ZNF486: variants seen among roughly 807,000 people sequenced by gnomAD.
ZNF486 encodes zinc finger protein 486.
In ZNF486, 12 loss-of-function variants were observed where a neutral mutation model predicts 12.8. The observed-to-expected ratio is 0.94, with a 90% CI of 0.60 to 1.52. The LOEUF is 1.52. ZNF486 is among the 40% of genes most tolerant of loss of function. The probability of loss-of-function intolerance (pLI) is 0.00; values close to 1 mark genes in which losing one functional copy is unlikely to be tolerated. For synonymous variants in ZNF486, 231 were observed against 184.9 expected, an observed-to-expected ratio of 1.25 and a Z score of -2.02; for missense variants, 738 against 545.0, an observed-to-expected ratio of 1.35 and a Z score of -3.53.
intron 1 of ZNF486, among the ~76,000 whole-genome samples, chr19:20,169,404 C>T (rs1422322430): frequency 6.6e-6 from 1 of 152,158 alleles, no homozygotes; most frequent in African/African-American, 2.4e-5. Flanking sequence ...CCACCGCGCC[C>T]GGCCAACAGG....
intron 1 of ZNF486, 79 bp downstream of exon 1, chr19:20,167,439 C>T (rs1280309807): frequency 1.4e-5 from 21 of 1,514,134 alleles, no homozygotes; most frequent in South Asian, 1.1e-4. Flanking sequence ...CTCAGGCCTC[C>T]CCGTAGTCAG....
intron 3 of ZNF486, among the ~76,000 whole-genome samples, chr19:20,191,383 C>T (rs375811372): frequency 6.7e-6 from 1 of 149,376 alleles, no homozygotes; most frequent in Non-Finnish European, 1.5e-5. Flanking sequence ...AGGAGAGTGG[C>T]GTGAATCTGG....
At chr19:20,183,650 C>G (rs2089810757) in intron 1 of ZNF486, among the ~76,000 whole-genome samples, 1 of 152,050 alleles carries the variant, frequency 6.6e-6, no homozygotes, top group Middle Eastern at 3.4e-3. Context: ...GGTGAAATAG[C>G]TCTCTGACAG....
chr19:20,169,115 T>C (rs1467110019), intron 1 of ZNF486, among the ~76,000 whole-genome samples: 1 of 151,898 alleles, frequency 6.6e-6, no homozygotes, highest in Non-Finnish European at 1.5e-5. Context: ...GTGGGGTTAC[T>C]ACATTTTTTT....
At chr19:20,191,596 C>T (rs1484284232) in intron 3 of ZNF486, among the ~76,000 whole-genome samples, 1 of 148,834 alleles carries the variant, frequency 6.7e-6, no homozygotes, top group Non-Finnish European at 1.5e-5. Flanking sequence ...GGTGAAACCC[C>T]GTCTCTATTA....
At chr19:20,168,375 C>T (rs1266063595) in intron 1 of ZNF486, among the ~76,000 whole-genome samples, 1 of 146,600 alleles carries the variant, frequency 6.8e-6, no homozygotes, top group Non-Finnish European at 1.5e-5. Flanking sequence ...AAAAGAAGGG[C>T]CAGGCGCAGT....
intron 1 of ZNF486, among the ~76,000 whole-genome samples, chr19:20,183,061 T>A (rs560202850): frequency 6.6e-6 from 1 of 152,328 alleles, no homozygotes; most frequent in African/African-American, 2.4e-5. Context: ...AAAATTCTTA[T>A]GATAGTCAAG....
intron 3 of ZNF486, among the ~76,000 whole-genome samples, chr19:20,190,790 G>A (rs2089894453): frequency 6.6e-6 from 1 of 152,212 alleles, no homozygotes; most frequent in Non-Finnish European, 1.5e-5. Context: ...AGTTTTGCTT[G>A]TGTCTGTGAA....
chr19:20,179,675 C>T (rs1555715268), intron 1 of ZNF486, among the ~76,000 whole-genome samples: 3 of 152,024 alleles, frequency 2.0e-5, no homozygotes. Flanking sequence ...AGAGAATGTA[C>T]AGAAAATTAA....
At position 20,199,295 on chromosome 19, in the gene ZNF486, T is replaced by A. The variant is rs960842984; in HGVS notation, c.*1193T>A. ...CAAATATAAAGAGGTTTGTAGTACC[T>A]TTGCTTGTATTACAGATCTTATTGC... On this transcript the variant is annotated 3_prime_UTR_variant, in exon 4 of 4. Coordinates refer to ENST00000335117, the MANE Select transcript of ZNF486 (RefSeq NM_052852.4). 16 of 152,192 alleles carry A rather than the reference T, an allele frequency of 1.1e-4. No individual in the cohort carries two copies. Among genetic ancestry groups the A allele is most frequent in the Non-Finnish European group, 1.6e-4 (11 of 68,034 alleles). 9.4% of individuals were successfully genotyped at this position (152,192 alleles called of 1,614,324 possible).
At chr19:20,173,844 AC>A (rs2089676981) in intron 1 of ZNF486, among the ~76,000 whole-genome samples, 1 of 151,812 alleles carries the variant, frequency 6.6e-6, no homozygotes, top group African/African-American at 2.4e-5. Flanking sequence ...AAAAAAAAAA[AC>A]TTCCAAAAAA....
chr19:20,185,929 C>G (rs836897), intron 2 of ZNF486, 58 bp from the exon 3 acceptor site: 192,704 of 1,119,116 alleles, frequency 0.17, 20,262 homozygotes, highest in East Asian at 0.49. Flanking sequence ...GAGCACATTA[C>G]TAGCTTGTAA....
intron 3 of ZNF486, among the ~76,000 whole-genome samples, chr19:20,187,194 G>A (rs999995197): frequency 6.6e-6 from 1 of 151,522 alleles, no homozygotes; most frequent in Non-Finnish European, 1.5e-5. Flanking sequence ...TTATCAGTTT[G>A]TTTTAAGTGT....
rs2089978192 is a variant in ZNF486, at chr19:20,197,969, A to G, written c.1259A>G (p.Asn420Ser). The change falls in exon 4 of 4, where the codon AAT (asparagine) becomes AGT (serine). Residue 420 changes from asparagine to serine, a missense_variant. Transcript: ENST00000335117. ...ECGKAYTTSS[N>S]LTEHKTTHTG... ...GGCAAAGCGTATACTACATCCTCAA[A>G]TCTAACTGAACATAAGACAACTCAT... The G allele has an allele frequency of 6.2e-7, 1 of 1,613,660 alleles. No homozygotes were observed. Among genetic ancestry groups the G allele is most frequent in the Non-Finnish European group, 8.5e-7 (1 of 1,179,748 alleles).
chr19:20,180,262 C>T (rs2089769887), intron 1 of ZNF486, among the ~76,000 whole-genome samples: 1 of 152,100 alleles, frequency 6.6e-6, no homozygotes, highest in African/African-American at 2.4e-5. Context: ...TTTTTTGGTA[C>T]CCAGATCAGA....
intron 1 of ZNF486, among the ~76,000 whole-genome samples, chr19:20,173,192 T>C (rs1555714175): frequency 6.6e-6 from 1 of 152,206 alleles, no homozygotes; most frequent in East Asian, 1.9e-4. Context: ...TTTCTCATAA[T>C]TTTGTTTTAC....
intron 3 of ZNF486, among the ~76,000 whole-genome samples, chr19:20,188,128 A>G (rs1242223909): frequency 1.3e-5 from 2 of 152,122 alleles, no homozygotes; most frequent in Admixed American, 6.5e-5. Flanking sequence ...ATCAGAGAGC[A>G]TTCCCTCAGA....
chr19:20,196,126 C>T lies in ZNF486; in HGVS notation c.254-838C>T, dbSNP rs1028812252. Among the ~76,000 whole-genome samples, 11 of 152,276 alleles carry T rather than the reference C, an allele frequency of 7.2e-5. No homozygotes were observed. The South Asian group carries it at 8.3e-4, about 11-fold the overall frequency. On this transcript the variant is annotated intron_variant, in intron 3 of 3. Transcript: ENST00000335117. ...CTCTGCCTCCACAGTTGAAGCAATT[C>T]TCCTGCCTCAGCATCCCAAATAGGA...
At chr19:20,191,397 G>A (rs1215154808) in intron 3 of ZNF486, among the ~76,000 whole-genome samples, 2 of 150,726 alleles carry the variant, frequency 1.3e-5, no homozygotes, top group African/African-American at 4.9e-5. Flanking sequence ...AATCTGGGAG[G>A]CGGAGCTTGC....
Sources: gnomAD v4.1 joint callset for allele counts (sites outside exome capture counted in the v4.1 genomes callset) on GRCh38, gnomAD v4.1.1 for gene constraint, MANE v1.5 for transcripts, NCBI Gene and HGNC (gene_info 2026-07-23, HGNC 2026-07-21) for gene names.